The following NDUFB6 variants were observed in gnomAD, a reference collection of about 807,000 sequenced individuals.
NDUFB6 encodes the protein NADH:ubiquinone oxidoreductase subunit B6, also known as NADH dehydrogenase [ubiquinone] 1 beta subcomplex subunit 6.
NDUFB6 carries 23 observed loss-of-function variants against 17.5 expected under a neutral mutation model. That is an observed-to-expected ratio of 1.31 (90% CI 0.94 to 1.86). The LOEUF is 1.86. Among genes scored for constraint, NDUFB6 ranks in the 40% most tolerant of loss-of-function variants. NDUFB6 has a pLI of 0.00. For missense variants in NDUFB6, 167 were observed against 153.8 expected (o/e 1.09, Z -0.46); for synonymous variants, 60 against 53.5 (o/e 1.12, Z -0.53).
chr9:32,560,483 T>C (rs1821595200), intron 2 of NDUFB6, among the ~76,000 whole-genome samples: 1 of 152,220 alleles, frequency 6.6e-6, no homozygotes, highest in African/African-American at 2.4e-5. Flanking sequence ...TTTTAAAAGT[T>C]CTGAAAACAT....
At chr9:32,567,618 C>T (rs1311283515) in intron 2 of NDUFB6, 1 of 367,116 alleles carries the variant, frequency 2.7e-6, no homozygotes, top group Admixed American at 3.8e-5. Context: ...AGCCACCATG[C>T]CTGGCCTCAA....
chr9:32,566,842 A>T (rs1821807146), intron 2 of NDUFB6: 4 of 861,744 alleles, frequency 4.6e-6, no homozygotes, highest in Non-Finnish European at 7.5e-6. Context: ...CTCATCACAC[A>T]GTAGCTGCCG....
At chr9:32,572,849 G>A (rs1821972844) in intron 1 of NDUFB6, 32 bp downstream of exon 1, 2 of 1,527,400 alleles carry the variant, frequency 1.3e-6, no homozygotes, top group East Asian at 4.7e-5. Flanking sequence ...AGTGGGATGT[G>A]TTGGGGGGGA....
chr9:32,553,173 A>C lies in NDUFB6; in HGVS notation c.*703T>G. The C allele has an allele frequency of 2.9e-6, 1 of 343,504 alleles. No homozygotes were observed. Among genetic ancestry groups the C allele is most frequent in the Non-Finnish European group, 5.3e-6 (1 of 190,034 alleles). 21.3% of individuals were successfully genotyped at this position (343,504 alleles called of 1,614,324 possible). ...GAATAAGCTTTTCAATCAAGTTTCT[A>C]AATTCTTCAAAAATGATTCGGAAAG... On this transcript the variant is annotated 3_prime_UTR_variant, in exon 4 of 4. Coordinates refer to ENST00000379847, the MANE Select transcript of NDUFB6 (RefSeq NM_002493.5).
intron 2 of NDUFB6, among the ~76,000 whole-genome samples, chr9:32,559,315 T>A (rs1310605797): frequency 6.6e-6 from 1 of 152,196 alleles, no homozygotes; most frequent in Non-Finnish European, 1.5e-5. Flanking sequence ...ACCAGCCTTG[T>A]CCAAGCCTCT....
chr9:32,563,288 T>G (rs1821679871), intron 2 of NDUFB6, among the ~76,000 whole-genome samples: 1 of 152,196 alleles, frequency 6.6e-6, no homozygotes, highest in African/African-American at 2.4e-5. Context: ...AATTAAATAT[T>G]TTGAGGATAA....
At chr9:32,556,681 C>T (rs1009255401) in intron 3 of NDUFB6, among the ~76,000 whole-genome samples, 5 of 152,004 alleles carry the variant, frequency 3.3e-5, no homozygotes. Flanking sequence ...TTCCTTTGAA[C>T]AGTAAATGGC....
intron 2 of NDUFB6, chr9:32,566,693 CAGAT>C (rs1821801017): frequency 2.4e-6 from 2 of 828,594 alleles, no homozygotes; most frequent in African/African-American, 1.7e-5. Flanking sequence ...AGCTGTATCT[CAGAT>C]AGCCAGACTT....
At chr9:32,566,939 G>A (rs960825210) in intron 2 of NDUFB6, 20 of 529,408 alleles carry the variant, frequency 3.8e-5, no homozygotes, top group Admixed American at 7.5e-5. Context: ...CAGGCCTGGC[G>A]TGAGGTGAGC....
At chr9:32,567,061 C>A in intron 2 of NDUFB6, 1 of 494,160 alleles carries the variant, frequency 2.0e-6, no homozygotes, top group South Asian at 1.5e-5. Flanking sequence ...AGCTCCTGCC[C>A]GCCATGCCAA....
chr9:32,562,847 G>A (rs917132985), intron 2 of NDUFB6, among the ~76,000 whole-genome samples: 4 of 152,152 alleles, frequency 2.6e-5, no homozygotes, highest in South Asian at 2.1e-4. Flanking sequence ...TGACTGTGCA[G>A]GCTCTTTAAA....
chr9:32,553,405 G>A lies in NDUFB6; in HGVS notation c.*471C>T, dbSNP rs1286419140. ...GGGGTTTCACTGTGTTAGCCATGAT[G>A]GTCTCGATCTCCTGACTTCGTGATC... On this transcript the variant is annotated 3_prime_UTR_variant, in exon 4 of 4. Transcript: ENST00000379847. 5.7e-6 allele frequency: 1 copy of A among 176,200 alleles called. No individual in the cohort carries two copies. The highest frequency in any genetic ancestry group is 2.4e-5 in the African/African-American group (1 of 41,568). 10.9% of individuals were successfully genotyped at this position (176,200 alleles called of 1,614,324 possible).
intron 3 of NDUFB6, among the ~76,000 whole-genome samples, chr9:32,556,153 T>C (rs916895280): frequency 3.3e-5 from 5 of 152,196 alleles, no homozygotes; most frequent in Non-Finnish European, 2.9e-5. Flanking sequence ...AAGTGTGTTA[T>C]GCATGGGTAA....
intron 2 of NDUFB6, chr9:32,566,843 G>A (rs1821807236): frequency 1.2e-6 from 1 of 853,446 alleles, no homozygotes; most frequent in Admixed American, 1.9e-5. Flanking sequence ...TCATCACACA[G>A]TAGCTGCCGG....
At chr9:32,555,836 G>A (rs1563990979) in intron 3 of NDUFB6, among the ~76,000 whole-genome samples, 1 of 152,152 alleles carries the variant, frequency 6.6e-6, no homozygotes. Flanking sequence ...GATGGATAAA[G>A]GTGTTCTTTC....
At chr9:32,559,321 C>T (rs1446750329) in intron 2 of NDUFB6, among the ~76,000 whole-genome samples, 4 of 152,126 alleles carry the variant, frequency 2.6e-5, no homozygotes, top group Non-Finnish European at 2.9e-5. Context: ...CTTGTCCAAG[C>T]CTCTATCATA....
rs1194027977 is a variant in NDUFB6 at position 32,570,979 on chromosome 9, TA to T, written c.253del (p.Tyr85ThrfsTer2). 6.3e-7 allele frequency: 1 copy of T among 1,589,170 alleles called. No individual in the cohort carries two copies. Among genetic ancestry groups the T allele is most frequent in the Admixed American group, 1.7e-5 (1 of 58,020 alleles). On this transcript the variant is annotated frameshift_variant, in exon 2 of 4. Coordinates refer to ENST00000379847, the MANE Select transcript of NDUFB6 (RefSeq NM_002493.5). LOFTEE classifies it high-confidence loss of function. ...VLVPVWIIHY[Y>X]MKYHVSEKPY... ...ACTTACAGAAACATGATACTTCATG[TA>T]ATAATGAATAATCCAGACAGGTACA...
At position 32,553,489 on chromosome 9, in the gene NDUFB6, G is replaced by A. The variant is rs572171226; in HGVS notation, c.*387C>T. On this transcript the variant is annotated 3_prime_UTR_variant, in exon 4 of 4. Transcript: ENST00000379847. ...CAGGCATGAGCCACTGCGCCTGGCC[G>A]GAAAGATTTCCTTAAAACAAAAGTG... The A allele has an allele frequency of 6.0e-4, 117 of 196,282 alleles. No individual in the cohort carries two copies. Among genetic ancestry groups the A allele is most frequent in the Non-Finnish European group, 1.0e-3 (97 of 95,190 alleles). The allele number at this position is 196,282 out of a possible 1,614,324, so 12.2% of individuals were successfully genotyped here. A position where few individuals can be genotyped will look rare whatever the true frequency, so the allele number is the denominator to read the frequency against.
At chr9:32,572,410 C>T (rs1404129823) in intron 1 of NDUFB6, among the ~76,000 whole-genome samples, 1 of 152,160 alleles carries the variant, frequency 6.6e-6, no homozygotes, top group Non-Finnish European at 1.5e-5. Context: ...AGGACCCTGT[C>T]TTTTACGGGG....
Sources: gnomAD v4.1 joint callset for allele counts (sites outside exome capture counted in the v4.1 genomes callset) on GRCh38, gnomAD v4.1.1 for gene constraint, MANE v1.5 for transcripts, NCBI Gene and HGNC (gene_info 2026-07-23, HGNC 2026-07-21) for gene names.